The following NT5M variants were observed in gnomAD, a reference collection of about 807,000 sequenced individuals.
The protein encoded by NT5M is 5',3'-nucleotidase, mitochondrial.
In NT5M, 22 loss-of-function variants were observed where a neutral mutation model predicts 22.2. The observed-to-expected ratio is 0.99, with a 90% confidence interval of 0.71 to 1.41. The LOEUF (loss-of-function observed/expected upper bound fraction) is 1.41, where lower values mean the gene tolerates loss of function less well. Among genes scored for constraint, NT5M ranks in the 40% most tolerant of loss-of-function variants. NT5M has a pLI of 0.00. For synonymous variants in NT5M, 167 were observed against 133.0 expected (o/e 1.26, Z -1.76); for missense variants, 322 against 314.8 (o/e 1.02, Z -0.17).
rs117523708 is a variant in NT5M, at chr17:17,346,439, T to C, written c.545-366T>C. Among the ~76,000 whole-genome samples the C allele has an allele frequency of 1.6e-3, 244 of 152,156 alleles. 6 individuals carry two copies. The East Asian group carries it at 0.04, about 25-fold the overall frequency. ...GGATGGTGGGGCACAGAGAGGGAAG[T>C]TGGGGGAACACCGTGTGGTGTAAGC... On this transcript the variant is annotated intron_variant, in intron 4 of 4. Coordinates refer to ENST00000389022, the MANE Select transcript of NT5M (RefSeq NM_020201.4).
At chr17:17,321,553 C>G (rs1306435728) in intron 2 of NT5M, among the ~76,000 whole-genome samples, 1 of 150,582 alleles carries the variant, frequency 6.6e-6, no homozygotes, top group Non-Finnish European at 1.5e-5. Flanking sequence ...CCTGGCTGTG[C>G]CCAGAGCACC....
rs377715372 is a variant in NT5M at position 17,344,805 on chromosome 17, G to A, written c.441G>A (p.Val147=). 1.2e-6 allele frequency: 2 copies of A among 1,613,968 alleles called. No homozygotes were observed. The highest frequency in any genetic ancestry group is 2.7e-5 in the African/African-American group (2 of 74,920). ...KYCPYEKYAW[V]EKYFGPDFLE... is the part of the protein sequence containing the mutation. ...CTGTTTGCGTCCAGTATGCCTGGGTGGAGAAGTACTTTGGCCCTGACTTTC... is the reference window on the plus strand; with the variant it reads ...CTGTTTGCGTCCAGTATGCCTGGGTAGAGAAGTACTTTGGCCCTGACTTTC... Residue 147 remains valine, a synonymous_variant, in exon 4 of 5, where the codon GTG becomes GTA. Transcript: ENST00000389022.
chr17:17,345,172 T>C, intron 4 of NT5M: 2 of 1,151,050 alleles, frequency 1.7e-6, no homozygotes, highest in East Asian at 3.1e-5. Context: ...TTCAAAGCCT[T>C]GTCTTCCTCA....
chr17:17,330,265 A>C, intron 3 of NT5M, among the ~76,000 whole-genome samples: 1 of 145,638 alleles, frequency 6.9e-6, no homozygotes, highest in Admixed American at 7.1e-5. Flanking sequence ...GTGCCACTGC[A>C]CTCCAGCCTG....
intron 1 of NT5M, among the ~76,000 whole-genome samples, chr17:17,304,847 A>G (rs2048760427): frequency 6.6e-6 from 1 of 152,128 alleles, no homozygotes; most frequent in South Asian, 2.1e-4. Flanking sequence ...ATTTCTTCTG[A>G]CATCAGAAAG....
At chr17:17,312,309 A>G (rs2048936096) in intron 2 of NT5M, among the ~76,000 whole-genome samples, 1 of 152,186 alleles carries the variant, frequency 6.6e-6, no homozygotes, top group Admixed American at 6.6e-5. Context: ...GTGCTTTGTG[A>G]CACTGCATTG....
At chr17:17,326,523 GC>G (rs771627178) in intron 3 of NT5M, among the ~76,000 whole-genome samples, 2 of 152,254 alleles carry the variant, frequency 1.3e-5, no homozygotes, top group Non-Finnish European at 2.9e-5. Context: ...TCAAAGGGAA[GC>G]CCGAGGAAGC....
Position 17,347,172 on chromosome 17 carries a change from G to T in NT5M, c.*225G>T. 1 of 580,930 alleles carries T rather than the reference G, an allele frequency of 1.7e-6. No homozygotes were observed. The highest frequency in any genetic ancestry group is 3.0e-6 in the Non-Finnish European group (1 of 338,330). 36.0% of individuals were successfully genotyped at this position (580,930 alleles called of 1,614,324 possible). Reference sequence around the variant, plus strand: ...GGACATAGACACGTGGTCCCAGGCCGTTCAGCCTGACCTCAGGCAGCAGGC... The same window carrying T: ...GGACATAGACACGTGGTCCCAGGCCTTTCAGCCTGACCTCAGGCAGCAGGC... On this transcript the variant is annotated 3_prime_UTR_variant, in exon 5 of 5. Coordinates refer to ENST00000389022, the MANE Select transcript of NT5M (RefSeq NM_020201.4).
chr17:17,314,706 G>T (rs915916034), intron 2 of NT5M, among the ~76,000 whole-genome samples: 1 of 152,098 alleles, frequency 6.6e-6, no homozygotes, highest in Non-Finnish European at 1.5e-5. Flanking sequence ...CTCCTGTCAC[G>T]CTGGCTTCTT....
intron 3 of NT5M, among the ~76,000 whole-genome samples, chr17:17,330,385 T>TC (rs2049353269): frequency 6.6e-6 from 1 of 151,738 alleles, no homozygotes; most frequent in South Asian, 2.1e-4. Context: ...TAGACTTTTT[T>TC]TTTTTTTTTG....
intron 3 of NT5M, among the ~76,000 whole-genome samples, chr17:17,328,630 C>T (rs1291286680): frequency 6.6e-6 from 1 of 152,194 alleles, no homozygotes; most frequent in East Asian, 1.9e-4. Flanking sequence ...AGCCCCAGAG[C>T]ACTCACAGTT....
intron 3 of NT5M, among the ~76,000 whole-genome samples, chr17:17,337,404 A>ATT (rs112137876): frequency 1.4e-5 from 2 of 142,384 alleles, no homozygotes; most frequent in Non-Finnish European, 1.5e-5. Context: ...ACCAAGCCTA[A>ATT]TTTTTTTTTT....
At chr17:17,324,137 C>T (rs1010530768) in intron 3 of NT5M, among the ~76,000 whole-genome samples, 29 of 149,262 alleles carry the variant, frequency 1.9e-4, no homozygotes, top group African/African-American at 2.9e-4. Context: ...GGCCTCCCAA[C>T]GTGCTGGGAT....
At chr17:17,304,936 C>A (rs2048761766) in intron 1 of NT5M, among the ~76,000 whole-genome samples, 1 of 152,150 alleles carries the variant, frequency 6.6e-6, no homozygotes, top group South Asian at 2.1e-4. Context: ...CCATCAACAC[C>A]AGGCACTTCA....
At chr17:17,330,982 A>G (rs2049373056) in intron 3 of NT5M, among the ~76,000 whole-genome samples, 2 of 149,010 alleles carry the variant, frequency 1.3e-5, no homozygotes, top group Non-Finnish European at 1.5e-5. Context: ...AGCTCAGGCA[A>G]TCGCCTGCCT....
chr17:17,311,222 C>G (rs1197805610), intron 2 of NT5M, among the ~76,000 whole-genome samples: 2 of 151,808 alleles, frequency 1.3e-5, no homozygotes, highest in Non-Finnish European at 2.9e-5. Flanking sequence ...CCTGTAGTCC[C>G]AGCTACTCAG....
intron 3 of NT5M, among the ~76,000 whole-genome samples, chr17:17,334,034 C>T (rs1454768145): frequency 8.6e-5 from 13 of 151,824 alleles, no homozygotes; most frequent in Non-Finnish European, 1.5e-5. Context: ...GGGGTTTCAT[C>T]GTGTTAGCCA....
intron 3 of NT5M, among the ~76,000 whole-genome samples, chr17:17,329,818 A>T (rs2049338921): frequency 6.6e-6 from 1 of 151,824 alleles, no homozygotes; most frequent in South Asian, 2.1e-4. Context: ...TGTACTAAAA[A>T]AAAATTAGCC....
At chr17:17,339,185 C>T (rs758070226) in intron 3 of NT5M, among the ~76,000 whole-genome samples, 6 of 152,164 alleles carry the variant, frequency 3.9e-5, no homozygotes, top group Non-Finnish European at 8.8e-5. Flanking sequence ...TTATAGTTTA[C>T]AGTGTAGAGC....
Sources: allele counts gnomAD v4.1 joint callset (sites outside exome capture counted in the v4.1 genomes callset), GRCh38; gene constraint gnomAD v4.1.1; transcripts MANE v1.5; gene names NCBI Gene and HGNC (gene_info 2026-07-23, HGNC 2026-07-21).